CLCN3: variants seen among roughly 807,000 people sequenced by gnomAD.
CLCN3 encodes H(+)/Cl(-) exchange transporter 3.
Under a neutral mutation model 83.4 loss-of-function variants are expected in CLCN3, and 16 were observed. The ratio of observed to expected loss-of-function variants is 0.19; its 90% CI spans 0.13 to 0.29. CLCN3 has a LOEUF of 0.29. Among genes scored for constraint, CLCN3 ranks in the 10% least tolerant of loss-of-function variants. The pLI, the probability that CLCN3 is intolerant of heterozygous loss-of-function variation, is 1.00. For synonymous variants in CLCN3, 322 were observed against 346.2 expected (o/e 0.93, Z 0.78); for missense variants, 544 against 1,006.0 (o/e 0.54, Z 6.21).
At position 169,640,200 on chromosome 4, in the gene CLCN3, A is replaced by AC. The variant is rs533360554; in HGVS notation, c.160+4117dup. Among the ~76,000 whole-genome samples the AC allele has an allele frequency of 2.6e-5, 4 of 152,118 alleles. No homozygotes were observed. The South Asian group carries it at 8.3e-4, about 32-fold the overall frequency. ...TCCCTTTGGATATGTTAGACTCTGT[A>AC]CCCCCAACGTAAGCAGTTTTCTTTT... On this transcript the variant is annotated intron_variant, in intron 2 of 12. Transcript: ENST00000513761.
At position 169,713,199 on chromosome 4, in the gene CLCN3, T is replaced by C; in HGVS notation, c.2270T>C (p.Met757Thr). 1 of 1,612,764 alleles carries C rather than the reference T, an allele frequency of 6.2e-7. No homozygotes were observed. The highest frequency in any genetic ancestry group is 8.5e-7 in the Non-Finnish European group (1 of 1,178,754). ...RPLKLRSILD[M>T]SPFTVTDHTP... ...TTGAAGCTTCGAAGCATTCTTGACATGAGCCCTTTTACAGTGACAGACCAC... is the reference window on the plus strand; with the variant it reads ...TTGAAGCTTCGAAGCATTCTTGACACGAGCCCTTTTACAGTGACAGACCAC... The change falls in exon 12 of 13, where the codon ATG becomes ACG. Residue 757 changes from methionine to threonine, a missense_variant. Met to Thr is a moderately conservative substitution (Grantham distance 81, BLOSUM62 -1). Around this residue, in one of 6 missense-constraint regions of CLCN3, gnomAD observed 142 missense variants for 225.0 expected, o/e 0.63. Coordinates refer to ENST00000513761, the MANE Select transcript of CLCN3 (RefSeq NM_001829.4).
At chr4:169,704,910 A>T (rs1001407486) in intron 10 of CLCN3, among the ~76,000 whole-genome samples, 2 of 152,234 alleles carry the variant, frequency 1.3e-5, no homozygotes, top group East Asian at 1.9e-4. Context: ...AAAGGAAAGG[A>T]CAGACTCATT....
chr4:169,641,014 T>C (rs965988261), intron 2 of CLCN3, among the ~76,000 whole-genome samples: 24 of 152,314 alleles, frequency 1.6e-4, no homozygotes, highest in African/African-American at 5.8e-4. Context: ...ATGTATAGAC[T>C]GAGAGGGAAA....
chr4:169,720,308 G>A lies in CLCN3; in HGVS notation c.*311G>A, dbSNP rs750963091. The A allele has an allele frequency of 1.0e-5, 4 of 381,352 alleles. No individual in the cohort carries two copies. Among genetic ancestry groups the A allele is most frequent in the Non-Finnish European group, 1.4e-5 (3 of 213,720 alleles). 23.6% of individuals were successfully genotyped at this position (381,352 alleles called of 1,614,324 possible). On this transcript the variant is annotated 3_prime_UTR_variant, in exon 13 of 13. Coordinates refer to ENST00000513761, the MANE Select transcript of CLCN3 (RefSeq NM_001829.4). ...GATGTGCCTGATAGTGCAGGCTTGC[G>A]CCTCAACAGAGATGACAGCAGAGTC...
At chr4:169,658,583 AC>A (rs879743979) in intron 2 of CLCN3, among the ~76,000 whole-genome samples, 8 of 152,014 alleles carry the variant, frequency 5.3e-5, no homozygotes, top group Non-Finnish European at 7.4e-5. Flanking sequence ...AGAACCACAC[AC>A]TCCCAAATTT....
rs1054298416 is a variant in CLCN3, at chr4:169,720,244, T to C, written c.*247T>C. ...TTCCCGTCTAACAGAAAGCAGCGTATCAACTCCTATTGTTCTGCACTGGAT... is the reference window on the plus strand; with the variant it reads ...TTCCCGTCTAACAGAAAGCAGCGTACCAACTCCTATTGTTCTGCACTGGAT... On this transcript the variant is annotated 3_prime_UTR_variant, in exon 13 of 13. Coordinates refer to ENST00000513761, the MANE Select transcript of CLCN3 (RefSeq NM_001829.4). 2.2e-5 allele frequency: 13 copies of C among 589,314 alleles called. No individual in the cohort carries two copies. The African/African-American group carries it at 2.4e-4, about 11-fold the overall frequency. 36.5% of individuals were successfully genotyped at this position (589,314 alleles called of 1,614,324 possible). A position where few individuals can be genotyped will look rare whatever the true frequency, so the allele number is the denominator to read the frequency against.
chr4:169,644,268 T>G (rs566003178), intron 2 of CLCN3, among the ~76,000 whole-genome samples: 3 of 151,252 alleles, frequency 2.0e-5, no homozygotes, highest in Non-Finnish European at 2.9e-5. Context: ...CTTTTTTTTT[T>G]CTTTTTTTTT....
intron 1 of CLCN3, among the ~76,000 whole-genome samples, chr4:169,630,036 T>A (rs2150198386): frequency 6.6e-6 from 1 of 152,370 alleles, no homozygotes; most frequent in East Asian, 1.9e-4. Flanking sequence ...CTTAAGATAT[T>A]GCCTAGCATA....
At chr4:169,637,796 C>G (rs190973574) in intron 2 of CLCN3, among the ~76,000 whole-genome samples, 58 of 152,212 alleles carry the variant, frequency 3.8e-4, no homozygotes, top group Admixed American at 1.6e-3. Context: ...AGTTCAGATT[C>G]ATTTTTTTCC....
intron 3 of CLCN3, among the ~76,000 whole-genome samples, chr4:169,684,474 A>G (rs1323254631): frequency 6.6e-6 from 1 of 152,104 alleles, no homozygotes; most frequent in Non-Finnish European, 1.5e-5. Context: ...ATTGATGTTC[A>G]TGTTATTTTA....
At chr4:169,638,436 G>C (rs1035124853) in intron 2 of CLCN3, among the ~76,000 whole-genome samples, 1 of 151,902 alleles carries the variant, frequency 6.6e-6, no homozygotes, top group Non-Finnish European at 1.5e-5. Flanking sequence ...ATATTTACTG[G>C]TTTAAAATAC....
chr4:169,698,994 A>G (rs1490989103), intron 9 of CLCN3, among the ~76,000 whole-genome samples: 2 of 152,168 alleles, frequency 1.3e-5, no homozygotes, highest in African/African-American at 2.4e-5. Flanking sequence ...AACCTTTGTG[A>G]TTACTTTAGG....
chr4:169,655,204 T>C (rs1266067552), intron 2 of CLCN3, among the ~76,000 whole-genome samples: 1 of 152,204 alleles, frequency 6.6e-6, no homozygotes, highest in Non-Finnish European at 1.5e-5. Flanking sequence ...TGCATCTGTT[T>C]GTTTTGTTGA....
At chr4:169,687,065 A>G (rs1023413863) in intron 3 of CLCN3, among the ~76,000 whole-genome samples, 3 of 152,048 alleles carry the variant, frequency 2.0e-5, no homozygotes, top group Admixed American at 6.6e-5. Context: ...ACATGGTATT[A>G]TTATACACAG....
chr4:169,690,902 A>G (rs1027827754), intron 6 of CLCN3, among the ~76,000 whole-genome samples: 2 of 152,056 alleles, frequency 1.3e-5, no homozygotes, highest in Admixed American at 6.5e-5. Flanking sequence ...TGACTAGGCA[A>G]ATTTTCAGAC....
At chr4:169,644,264 T>C (rs76359601) in intron 2 of CLCN3, among the ~76,000 whole-genome samples, 2,097 of 151,710 alleles carry the variant, frequency 0.014, 46 homozygotes, top group African/African-American at 0.048. Context: ...ACTGCTTTTT[T>C]TTTTCTTTTT....
At chr4:169,712,021 A>ATTTT (rs564857112) in intron 11 of CLCN3, among the ~76,000 whole-genome samples, 30 of 114,962 alleles carry the variant, frequency 2.6e-4, no homozygotes, top group African/African-American at 8.1e-4. Flanking sequence ...TGCTTGGCCG[A>ATTTT]TTTTTTTTTT....
At chr4:169,709,847 T>C (rs2150270665) in intron 11 of CLCN3, among the ~76,000 whole-genome samples, 2 of 152,248 alleles carry the variant, frequency 1.3e-5, no homozygotes, top group South Asian at 4.1e-4. Flanking sequence ...ATCAAAAATA[T>C]TTTTAAATGG....
At chr4:169,641,951 A>C (rs574423108) in intron 2 of CLCN3, among the ~76,000 whole-genome samples, 1 of 152,240 alleles carries the variant, frequency 6.6e-6, no homozygotes, top group Non-Finnish European at 1.5e-5. Flanking sequence ...ATATAAAGCA[A>C]CTTAAAGGGA....
Sources: allele counts gnomAD v4.1 joint callset (sites outside exome capture counted in the v4.1 genomes callset), GRCh38; gene constraint gnomAD v4.1.1; regional missense constraint gnomAD v4.1.1; transcripts MANE v1.5; gene names NCBI Gene and HGNC (gene_info 2026-07-23, HGNC 2026-07-21).